The following MMP26 variants were observed in gnomAD, a reference collection of about 807,000 sequenced individuals.
MMP26 encodes the protein matrix metalloproteinase-26.
A neutral mutation model predicts 31.0 loss-of-function variants in MMP26; 33 were observed. The ratio of observed to expected loss-of-function variants is 1.06; its 90% CI spans 0.81 to 1.42. The LOEUF is 1.42. MMP26 is among the 40% of genes most tolerant of loss of function. MMP26 has a pLI of 0.00. For synonymous variants in MMP26, 122 were observed against 114.9 expected (o/e 1.06, Z -0.40); for missense variants, 347 against 316.1 (o/e 1.10, Z -0.74).
intron 2 of MMP26, among the ~76,000 whole-genome samples, chr11:4,884,387 C>T (rs1045281055): frequency 1.3e-5 from 2 of 152,118 alleles, no homozygotes; most frequent in African/African-American, 4.8e-5. Context: ...TTTTACCTTT[C>T]AAGTTTTTGT....
intron 2 of MMP26, among the ~76,000 whole-genome samples, chr11:4,785,713 C>T (rs781372100): frequency 1.3e-5 from 2 of 152,190 alleles, no homozygotes; most frequent in Non-Finnish European, 2.9e-5. Flanking sequence ...TTTTAACAAA[C>T]AGCCTCATGA....
intron 2 of MMP26, among the ~76,000 whole-genome samples, chr11:4,899,203 G>A (rs770577097): frequency 5.3e-5 from 8 of 152,098 alleles, no homozygotes; most frequent in Non-Finnish European, 8.8e-5. Context: ...TCTTAGTTCC[G>A]AAGAAAGGCT....
intron 1 of MMP26, chr11:4,710,559 T>G: frequency 2.6e-6 from 1 of 381,404 alleles, no homozygotes; most frequent in South Asian, 1.9e-5. Context: ...CCCTGACCCA[T>G]GTTTGATCAT....
At chr11:4,739,239 A>C (rs1378194486) in intron 1 of MMP26, among the ~76,000 whole-genome samples, 2 of 152,182 alleles carry the variant, frequency 1.3e-5, no homozygotes, top group African/African-American at 4.8e-5. Context: ...AGGCTTTCAA[A>C]GTCTATCTTC....
chr11:4,841,546 T>G (rs77392631), intron 2 of MMP26, among the ~76,000 whole-genome samples: 20 of 152,064 alleles, frequency 1.3e-4, no homozygotes, highest in Non-Finnish European at 2.5e-4. Context: ...GAATAATATA[T>G]CCAGTGAAAA....
At chr11:4,722,470 C>CT (rs60627073) in intron 1 of MMP26, among the ~76,000 whole-genome samples, 688 of 63,994 alleles carry the variant, frequency 0.011, 9 homozygotes, top group Non-Finnish European at 0.013. Flanking sequence ...GAAGTAATTA[C>CT]TTTTTTTTTT....
intron 2 of MMP26, among the ~76,000 whole-genome samples, chr11:4,872,632 A>C (rs1850326349): frequency 6.6e-6 from 1 of 152,072 alleles, no homozygotes; most frequent in South Asian, 2.1e-4. Context: ...TCAGCAGCTC[A>C]GATCCTTTAA....
At chr11:4,821,503 T>C in intron 2 of MMP26, 1 of 1,612,288 alleles carries the variant, frequency 6.2e-7, no homozygotes, top group Non-Finnish European at 8.5e-7. Flanking sequence ...CACCCAGTAC[T>C]GGATCTCCAT....
chr11:4,761,426 C>T (rs182112067), intron 1 of MMP26, among the ~76,000 whole-genome samples: 1 of 152,132 alleles, frequency 6.6e-6, no homozygotes, highest in African/African-American at 2.4e-5. Flanking sequence ...TGGAAAACTT[C>T]TATAAGGAAT....
intron 2 of MMP26, among the ~76,000 whole-genome samples, chr11:4,862,253 C>G (rs1946637): frequency 0.072 from 10,896 of 152,148 alleles, 546 homozygotes; most frequent in Non-Finnish European, 0.11. Context: ...ACATTGCGTA[C>G]GTATTTGTTT....
chr11:4,982,066 G>GTATATA (rs146745090), intron 2 of MMP26, among the ~76,000 whole-genome samples: 1 of 148,822 alleles, frequency 6.7e-6, no homozygotes, highest in African/African-American at 2.5e-5. Context: ...ATGTATGTAT[G>GTATATA]TATATATATA....
chr11:4,917,469 T>G (rs1313726163), intron 2 of MMP26, among the ~76,000 whole-genome samples: 1 of 152,194 alleles, frequency 6.6e-6, no homozygotes, highest in African/African-American at 2.4e-5. Context: ...TGCTGATTCT[T>G]TAGCTGAATA....
intron 1 of MMP26, among the ~76,000 whole-genome samples, chr11:4,743,562 T>C (rs1303899718): frequency 6.6e-6 from 1 of 152,206 alleles, no homozygotes; most frequent in Non-Finnish European, 1.5e-5. Context: ...TTAGGGAAAT[T>C]AATGTCTATT....
intron 2 of MMP26, among the ~76,000 whole-genome samples, chr11:4,837,723 C>T (rs1849738089): frequency 6.6e-6 from 1 of 151,732 alleles, no homozygotes; most frequent in East Asian, 1.9e-4. Context: ...CCATTATATA[C>T]TTGAAGGTTC....
chr11:4,726,058 T>C (rs538525024), intron 1 of MMP26, among the ~76,000 whole-genome samples: 15 of 152,280 alleles, frequency 9.9e-5, no homozygotes, highest in Admixed American at 9.8e-4. Context: ...CAAAAGAACC[T>C]CTGGTGAGAA....
chr11:4,810,004 A>G (rs1849328412), intron 2 of MMP26, among the ~76,000 whole-genome samples: 1 of 152,172 alleles, frequency 6.6e-6, no homozygotes, highest in South Asian at 2.1e-4. Context: ...TTAAAGGGTT[A>G]TGTCTGGACG....
intron 2 of MMP26, chr11:4,915,184 G>A (rs1422385651): frequency 3.7e-6 from 6 of 1,614,048 alleles, no homozygotes; most frequent in African/African-American, 1.3e-5. Flanking sequence ...ATGGAAAAAT[G>A]AGTGCTACAC....
rs749818574 is a variant in MMP26, at chr11:4,955,557, T to C, written c.-144-32511T>C. The C allele has an allele frequency of 5.1e-6, 7 of 1,366,014 alleles. No homozygotes were observed. The Admixed American group carries it at 5.6e-5, about 11-fold the overall frequency. The allele number at this position is 1,366,014 out of a possible 1,614,324, so 84.6% of individuals were successfully genotyped here. On this transcript the variant is annotated intron_variant, in intron 2 of 7. Transcript: ENST00000380390. ...ATGGGCCCATGCAAGGAGGGCTCTGTCTTGATGATAAAAAGAATGGTGCCA... is the reference window on the plus strand; with the variant it reads ...ATGGGCCCATGCAAGGAGGGCTCTGCCTTGATGATAAAAAGAATGGTGCCA...
chr11:4,815,092 ACAAAAGTTG>A (rs1849403110), intron 2 of MMP26, among the ~76,000 whole-genome samples: 1 of 152,198 alleles, frequency 6.6e-6, no homozygotes, highest in Non-Finnish European at 1.5e-5. Context: ...AAGATAAGAG[ACAAAAGTTG>A]CATTCTTTTG....
Sources: allele counts gnomAD v4.1 joint callset (sites outside exome capture counted in the v4.1 genomes callset), GRCh38; gene constraint gnomAD v4.1.1; transcripts MANE v1.5; gene names NCBI Gene and HGNC (gene_info 2026-07-23, HGNC 2026-07-21).